Variants in MAGI2 observed in about 807,000 individuals in gnomAD.
MAGI2 encodes the protein membrane-associated guanylate kinase, WW and PDZ domain-containing protein 2.
A neutral mutation model predicts 133.3 loss-of-function variants in MAGI2; 35 were observed. That is an observed-to-expected ratio of 0.26 (90% CI 0.20 to 0.35). The LOEUF (loss-of-function observed/expected upper bound fraction) is 0.35, where lower values mean the gene tolerates loss of function less well. MAGI2 is among the 10% of genes least tolerant of loss of function. The probability of loss-of-function intolerance (pLI) is 1.00; values close to 1 mark genes in which losing one functional copy is unlikely to be tolerated. For missense variants in MAGI2, 1,636 were observed against 1,863.4 expected (o/e 0.88, Z 2.25); for synonymous variants, 729 against 710.6 (o/e 1.03, Z -0.41).
At chr7:79,003,532 C>T (rs1807108772) in intron 2 of MAGI2, among the ~76,000 whole-genome samples, 1 of 152,138 alleles carries the variant, frequency 6.6e-6, no homozygotes, top group South Asian at 2.1e-4. Context: ...TGTTTTCCTT[C>T]TACGCTGCTG....
chr7:78,567,826 T>C (rs62468646), intron 3 of MAGI2: 15,813 of 152,256 alleles, frequency 0.1, 1,043 homozygotes, highest in Non-Finnish European at 0.15. Context: ...GCTTCCTCTA[T>C]GGTAAAACTC....
At chr7:78,791,467 C>G (rs770257268) in intron 2 of MAGI2, among the ~76,000 whole-genome samples, 5 of 151,448 alleles carry the variant, frequency 3.3e-5, no homozygotes, top group Admixed American at 6.6e-5. Context: ...TTTAAGAAAA[C>G]AGAGTTGGGC....
In MAGI2 at chr7:78,019,396, G is replaced by T. The variant is rs1808061123; in HGVS notation, c.4287C>A (p.Val1429=). The T allele has an allele frequency of 1.6e-6, 2 of 1,214,742 alleles. No homozygotes were observed. The highest frequency in any genetic ancestry group is 3.6e-5 in the South Asian group (1 of 27,680). The allele number at this position is 1,214,742 out of a possible 1,614,324, so 75.2% of individuals were successfully genotyped here. A position where few individuals can be genotyped will look rare whatever the true frequency, so the allele number is the denominator to read the frequency against. Residue 1429 remains valine (V), a synonymous_variant, in exon 22 of 22, where the codon GTC becomes GTA. Coordinates refer to ENST00000354212, the MANE Select transcript of MAGI2 (RefSeq NM_012301.4). ...CCGGCACCTTCCAGGGCCCCGGCGC[G>T]ACGGCGGCCTTGCGCGCCGGGGCGC... The part of the protein sequence containing the change: ...PGGAPARKAA[V]APGPWKVPGS...
chr7:78,920,166 C>T (rs1434212418), intron 2 of MAGI2, among the ~76,000 whole-genome samples: 1 of 152,052 alleles, frequency 6.6e-6, no homozygotes, highest in East Asian at 1.9e-4. Context: ...ATTTTCATGT[C>T]ATGGAGACTG....
At chr7:78,609,206 C>A (rs1490547849) in intron 3 of MAGI2, among the ~76,000 whole-genome samples, 1 of 152,180 alleles carries the variant, frequency 6.6e-6, no homozygotes, top group Non-Finnish European at 1.5e-5. Flanking sequence ...TTTGGCAACA[C>A]CCTCACAGAT....
intron 6 of MAGI2, among the ~76,000 whole-genome samples, chr7:78,458,302 A>AAGAAAAG (rs1210151544): frequency 6.6e-6 from 1 of 151,554 alleles, no homozygotes; most frequent in African/African-American, 2.4e-5. Flanking sequence ...CTCAAAAAAA[A>AAGAAAAG]AAAAAAAGAA....
At chr7:79,039,735 A>G (rs1169078076) in intron 1 of MAGI2, among the ~76,000 whole-genome samples, 1 of 151,382 alleles carries the variant, frequency 6.6e-6, no homozygotes, top group Non-Finnish European at 1.5e-5. Context: ...TAATCCGAGC[A>G]CTTTGGGAGG....
intron 3 of MAGI2, among the ~76,000 whole-genome samples, chr7:78,539,301 T>C (rs1798219371): frequency 6.6e-6 from 1 of 152,210 alleles, no homozygotes; most frequent in South Asian, 2.1e-4. Flanking sequence ...ATTCTGTTTA[T>C]GTGGTGTATC....
At chr7:78,247,953 C>T (rs1348426946) in intron 10 of MAGI2, among the ~76,000 whole-genome samples, 1 of 152,112 alleles carries the variant, frequency 6.6e-6, no homozygotes, top group African/African-American at 2.4e-5. Flanking sequence ...GAGATAAAAA[C>T]ATCCAGATTA....
intron 6 of MAGI2, among the ~76,000 whole-genome samples, chr7:78,480,535 C>T (rs1300799773): frequency 6.6e-6 from 1 of 151,848 alleles, no homozygotes; most frequent in East Asian, 1.9e-4. Context: ...AATTATTTAC[C>T]ATGTCCTAGT....
intron 1 of MAGI2, among the ~76,000 whole-genome samples, chr7:79,191,054 C>T (rs1375647638): frequency 1.3e-5 from 2 of 151,804 alleles, no homozygotes; most frequent in Non-Finnish European, 2.9e-5. Flanking sequence ...CAGCATTGCA[C>T]TACTCTGTTT....
intron 12 of MAGI2, among the ~76,000 whole-genome samples, chr7:78,189,481 A>T (rs540654388): frequency 1.3e-5 from 2 of 152,238 alleles, no homozygotes; most frequent in Non-Finnish European, 2.9e-5. Context: ...AGGTTATACC[A>T]TAAGGCACAT....
rs1586045148 is a variant in MAGI2, at chr7:79,453,650, G to A, written c.-330C>T. On this transcript the variant is annotated 5_prime_UTR_variant, in exon 1 of 22. Transcript: ENST00000354212. ...GCGGCAGCCGGAGCGAGCAGTAGCC[G>A]AGCTGGTGAGCGGGTGTGGTGGGGG... 3.7e-6 allele frequency: 2 copies of A among 543,900 alleles called. No homozygotes were observed. Among genetic ancestry groups the A allele is most frequent in the Non-Finnish European group, 4.9e-6 (2 of 408,994 alleles). 33.7% of individuals were successfully genotyped at this position (543,900 alleles called of 1,614,324 possible). A position where few individuals can be genotyped will look rare whatever the true frequency, so the allele number is the denominator to read the frequency against.
In MAGI2 at chr7:78,380,896, T is replaced by C. The variant is rs1794863902; in HGVS notation, c.1046-11683A>G. On this transcript the variant is annotated intron_variant, in intron 6 of 21. Coordinates refer to ENST00000354212, the MANE Select transcript of MAGI2 (RefSeq NM_012301.4). The stretch of plus-strand genomic sequence containing the variant: ...ATCCACAAAAATAAAAATAAAGTAA[T>C]ACCTGGCACAAATATATGCTAACAA... Among the ~76,000 whole-genome samples the C allele has an allele frequency of 1.3e-5, 2 of 152,098 alleles. 1 individual carries two copies. Among genetic ancestry groups the C allele is most frequent in the South Asian group, 4.1e-4 (2 of 4,834 alleles).
chr7:78,534,398 T>A (rs12670044), intron 3 of MAGI2, among the ~76,000 whole-genome samples: 9,238 of 152,338 alleles, frequency 0.061, 335 homozygotes, highest in East Asian at 0.16. Flanking sequence ...GTTCTTAAAC[T>A]TGTCCTAAGT....
chr7:78,874,438 T>G (rs1795263514), intron 2 of MAGI2, among the ~76,000 whole-genome samples: 1 of 152,164 alleles, frequency 6.6e-6, no homozygotes, highest in East Asian at 1.9e-4. Context: ...CGGAATGAAA[T>G]GTCCTGTGAA....
intron 2 of MAGI2, among the ~76,000 whole-genome samples, chr7:78,955,675 T>C (rs1802243669): frequency 6.8e-6 from 1 of 146,216 alleles, no homozygotes; most frequent in Admixed American, 6.8e-5. Context: ...TTTCCTTCCT[T>C]CCTCCCTCCC....
intron 6 of MAGI2, among the ~76,000 whole-genome samples, chr7:78,375,322 T>C (rs12705414): frequency 0.82 from 124,415 of 152,080 alleles, 51,008 homozygotes; most frequent in Admixed American, 0.85. Flanking sequence ...AACAGGAGTG[T>C]TAAATCTAGA....
chr7:78,125,875 T>G, intron 19 of MAGI2, 38 bp from the exon 20 acceptor site: 1 of 1,600,170 alleles, frequency 6.2e-7, no homozygotes, highest in East Asian at 2.2e-5. Flanking sequence ...AATAATTATT[T>G]AGTTATCAGA....
Sources: allele counts gnomAD v4.1 joint callset (sites outside exome capture counted in the v4.1 genomes callset), GRCh38; gene constraint gnomAD v4.1.1; transcripts MANE v1.5; gene names NCBI Gene and HGNC (gene_info 2026-07-23, HGNC 2026-07-21).